The following ABI2 variants were observed in gnomAD, a reference collection of about 807,000 sequenced individuals.
The protein encoded by ABI2 is abl interactor 2, also known as abelson interactor 2.
A neutral mutation model predicts 59.2 loss-of-function variants in ABI2; 25 were observed. The observed-to-expected ratio is 0.42, with a 90% confidence interval of 0.31 to 0.59. ABI2 has a LOEUF of 0.59. Among genes scored for constraint, ABI2 ranks in the 20% least tolerant of loss-of-function variants. ABI2 has a pLI of 0.14. For synonymous variants in ABI2, 213 were observed against 235.5 expected (o/e 0.90, Z 0.87); for missense variants, 545 against 681.8 (o/e 0.80, Z 2.23).
chr2:203,366,659 T>C (rs1003468485), intron 1 of ABI2, among the ~76,000 whole-genome samples: 6 of 152,238 alleles, frequency 3.9e-5, no homozygotes, highest in Non-Finnish European at 8.8e-5. Context: ...TTTGCATCTG[T>C]GCAAAGATGT....
At chr2:203,413,750 A>G (rs758971744) in intron 10 of ABI2, among the ~76,000 whole-genome samples, 2 of 152,230 alleles carry the variant, frequency 1.3e-5, no homozygotes, top group Non-Finnish European at 2.9e-5. Flanking sequence ...TTCTTTTGGT[A>G]CATCTTCAAA....
chr2:203,348,921 T>G (rs990494932), intron 1 of ABI2, among the ~76,000 whole-genome samples: 6 of 149,388 alleles, frequency 4.0e-5, no homozygotes, highest in African/African-American at 1.5e-4. Context: ...TTTTTTGTTT[T>G]TTGTTTGTTT....
At chr2:203,372,359 T>TC (rs1486568025) in intron 2 of ABI2, among the ~76,000 whole-genome samples, 1 of 152,204 alleles carries the variant, frequency 6.6e-6, no homozygotes, top group Non-Finnish European at 1.5e-5. Context: ...CCATCCGATT[T>TC]CCCAATCTTT....
intron 3 of ABI2, 102 bp downstream of exon 3, chr2:203,380,486 A>G: frequency 1.3e-6 from 1 of 763,010 alleles, no homozygotes; most frequent in East Asian, 3.0e-5. Context: ...CTAGAGGACA[A>G]AGTCTTGGCC....
rs2096707399 is a variant in ABI2 at position 203,390,604 on chromosome 2, C to T, written c.481-442C>T. Among the ~76,000 whole-genome samples, 9 of 151,756 alleles carry T rather than the reference C, an allele frequency of 5.9e-5. No homozygotes were observed. The South Asian group carries it at 1.9e-3, about 32-fold the overall frequency. On this transcript the variant is annotated intron_variant, in intron 4 of 11. Transcript: ENST00000261018. ...CCAAGATCGTGCCCCTGCACTCCAG[C>T]CTGGGTAACAAAGCGAGACTCTGTC...
chr2:203,353,674 T>A (rs1370222176), intron 1 of ABI2, among the ~76,000 whole-genome samples: 3 of 152,100 alleles, frequency 2.0e-5, no homozygotes, highest in Non-Finnish European at 4.4e-5. Context: ...GTTTTTATAT[T>A]TTTAGTAGAG....
At chr2:203,391,209 A>T in intron 5 of ABI2, 66 bp downstream of exon 5, 1 of 1,096,334 alleles carries the variant, frequency 9.1e-7, no homozygotes, top group Non-Finnish European at 1.3e-6. Flanking sequence ...AGCACAACAT[A>T]TTTAAATTAT....
chr2:203,403,087 A>G (rs1266215546), intron 9 of ABI2, among the ~76,000 whole-genome samples: 1 of 152,234 alleles, frequency 6.6e-6, no homozygotes. Flanking sequence ...TTGTGTGCAC[A>G]TGAACAGAAT....
At chr2:203,361,813 T>G (rs1289380853) in intron 1 of ABI2, among the ~76,000 whole-genome samples, 1 of 152,184 alleles carries the variant, frequency 6.6e-6, no homozygotes, top group South Asian at 2.1e-4. Flanking sequence ...TGTCTTATAG[T>G]GTCATTTATT....
At chr2:203,370,169 A>G (rs1033585835) in intron 2 of ABI2, among the ~76,000 whole-genome samples, 6 of 145,746 alleles carry the variant, frequency 4.1e-5, no homozygotes, top group African/African-American at 1.5e-4. Flanking sequence ...TGGGCTACGT[A>G]TGGTGTCATT....
rs72940182 is a variant in ABI2 at position 203,422,068 on chromosome 2, G to A, written c.1453+4987G>A. Among the ~76,000 whole-genome samples the A allele has an allele frequency of 6.7e-3, 1,025 of 152,152 alleles. 5 individuals carry two copies. The highest frequency in any genetic ancestry group is 1.0e-2 in the Non-Finnish European group (677 of 67,986). On this transcript the variant is annotated intron_variant, in intron 11 of 11. Transcript: ENST00000261018. The stretch of plus-strand genomic sequence containing the variant: ...TAAAGCACTTTAAGAGGCTGAGGCC[G>A]GCGGATTGCTTGAGACGAGGAGTTC...
chr2:203,408,405 C>T (rs543048532), intron 9 of ABI2, among the ~76,000 whole-genome samples: 2 of 151,846 alleles, frequency 1.3e-5, no homozygotes, highest in Non-Finnish European at 1.5e-5. Flanking sequence ...TCAGGTGATG[C>T]GCCCCCCTCG....
At chr2:203,372,507 G>A (rs2095318302) in intron 2 of ABI2, among the ~76,000 whole-genome samples, 1 of 151,862 alleles carries the variant, frequency 6.6e-6, no homozygotes, top group Non-Finnish European at 1.5e-5. Flanking sequence ...AGGGGCGGCC[G>A]GGCAGAGGCG....
chr2:203,356,760 CAG>C (rs914715540), intron 1 of ABI2, among the ~76,000 whole-genome samples: 4 of 152,292 alleles, frequency 2.6e-5, no homozygotes, highest in African/African-American at 9.6e-5. Context: ...CTCGACCTCC[CAG>C]AGTGTTGGGA....
In ABI2 at chr2:203,366,921, C is replaced by T. The variant is rs772158653; in HGVS notation, c.162C>T (p.Thr54=). The stretch of plus-strand genomic sequence containing the variant: ...CCCTAGAAGAAACCAAAGCCTACAC[C>T]ACCCAATCCTTAGCAAGTGTTGCCT... ...QRALEETKAY[T]TQSLASVAYL... is the part of the protein sequence containing the mutation. Residue 54 remains threonine (T), a synonymous_variant, in exon 2 of 12, where the codon ACC becomes ACT. Transcript: ENST00000261018. The T allele has an allele frequency of 1.9e-6, 3 of 1,611,072 alleles. No individual in the cohort carries two copies. The highest frequency in any genetic ancestry group is 1.6e-4 in the Middle Eastern group (1 of 6,070).
At chr2:203,365,929 G>A (rs751582617) in intron 1 of ABI2, among the ~76,000 whole-genome samples, 102 of 152,028 alleles carry the variant, frequency 6.7e-4, no homozygotes, top group African/African-American at 1.1e-3. Context: ...GTGCCCGGCC[G>A]GGGCTGTTAT....
Position 203,417,031 on chromosome 2 carries a change from C to A in ABI2, c.1403C>A (p.Pro468His). ...GCTGCTGTGGTTGAGTATAGTGATCCTTATGCTGAAGAGGACCCACCGTGG... is the reference window on the plus strand; with the variant it reads ...GCTGCTGTGGTTGAGTATAGTGATCATTATGCTGAAGAGGACCCACCGTGG... ...EEAAVVEYSDPYAEEDPPWAP... is the reference protein window; with the variant it reads ...EEAAVVEYSDHYAEEDPPWAP... Residue 468 changes from proline (P) to histidine (H), a missense_variant, in exon 11 of 12, where the codon CCT (proline) becomes CAT (histidine). This residue lies in a region of ABI2 where 44 missense variants were observed against 106.4 expected (regional missense o/e 0.41). Transcript: ENST00000261018. 1.2e-6 allele frequency: 2 copies of A among 1,613,970 alleles called. No homozygotes were observed. Among genetic ancestry groups the A allele is most frequent in the Non-Finnish European group, 1.7e-6 (2 of 1,179,956 alleles).
chr2:203,386,801 G>A (rs1285341914), intron 4 of ABI2, among the ~76,000 whole-genome samples: 1 of 151,822 alleles, frequency 6.6e-6, no homozygotes, highest in African/African-American at 2.4e-5. Flanking sequence ...ACCATGCCCG[G>A]CTAATTTTTG....
intron 1 of ABI2, among the ~76,000 whole-genome samples, chr2:203,360,632 C>G (rs751982740): frequency 6.6e-6 from 1 of 152,200 alleles, no homozygotes; most frequent in Non-Finnish European, 1.5e-5. Context: ...TGACCTGATT[C>G]AGGCTAGTAA....
Sources: gnomAD v4.1 joint callset for allele counts (sites outside exome capture counted in the v4.1 genomes callset) on GRCh38, gnomAD v4.1.1 for gene constraint, gnomAD v4.1.1 regional missense constraint, MANE v1.5 for transcripts, NCBI Gene and HGNC (gene_info 2026-07-23, HGNC 2026-07-21) for gene names.